FXYD2: variants seen among roughly 807,000 people sequenced by gnomAD.
FXYD2 encodes sodium/potassium-transporting ATPase subunit gamma.
FXYD2 carries 8 observed loss-of-function variants against 11.8 expected under a neutral mutation model. The ratio of observed to expected loss-of-function variants is 0.68; its 90% CI spans 0.40 to 1.22. The LOEUF (loss-of-function observed/expected upper bound fraction) is 1.22, where lower values mean the gene tolerates loss of function less well. Ranked by LOEUF, FXYD2 falls within the 50% of genes most tolerant of loss-of-function variation. The probability of loss-of-function intolerance (pLI) is 0.01; values close to 1 mark genes in which losing one functional copy is unlikely to be tolerated. For synonymous variants in FXYD2, 42 were observed against 33.3 expected (o/e 1.26, Z -0.90); for missense variants, 92 against 91.8 (o/e 1.00, Z -0.01).
At chr11:117,821,353 GC>G (rs1211026275) in intron 3 of FXYD2, 1 of 989,032 alleles carries the variant, frequency 1.0e-6, no homozygotes, top group African/African-American at 1.7e-5. Flanking sequence ...GAGCCACCAC[GC>G]CCAGCCTTCT....
upstream of FXYD2, among the ~76,000 whole-genome samples, chr11:117,827,491 C>T (rs1033289304): frequency 4.6e-5 from 7 of 152,178 alleles, no homozygotes; most frequent in South Asian, 2.1e-4. Context: ...TCAGATAATC[C>T]GCCCGCCTTG....
chr11:117,822,241 CGA>C lies in FXYD2; in HGVS notation c.139+163_139+164del. 6.6e-7 allele frequency: 1 copy of C among 1,509,402 alleles called. No individual in the cohort carries two copies. Among genetic ancestry groups the C allele is most frequent in the Non-Finnish European group, 8.9e-7 (1 of 1,129,234 alleles). The allele number at this position is 1,509,402 out of a possible 1,614,324, so 93.5% of individuals were successfully genotyped here. Reference sequence around the variant, plus strand: ...CAGGAACCTCACACTGTGCTCCCAGCGAGCCTGGCACCCCACCGGGCACCCAT... The same window carrying C: ...CAGGAACCTCACACTGTGCTCCCAGCGCCTGGCACCCCACCGGGCACCCAT... On this transcript the variant is annotated intron_variant, in intron 3 of 5. Coordinates refer to ENST00000292079, the MANE Select transcript of FXYD2 (RefSeq NM_001680.5). This position sits in a 1 kb window ranked among gnomAD's most constrained non-coding sequence, Gnocchi z 4.7.
chr11:117,826,076 A>T (rs1246907426), upstream of FXYD2, among the ~76,000 whole-genome samples: 3 of 152,198 alleles, frequency 2.0e-5, no homozygotes, highest in African/African-American at 7.2e-5. Flanking sequence ...GAGATAATGC[A>T]TGCAAAGAGC....
At chr11:117,821,412 G>A (rs2055900830) in intron 3 of FXYD2, 1 of 986,496 alleles carries the variant, frequency 1.0e-6, no homozygotes, top group South Asian at 4.7e-5. Context: ...ACCTAAGTCA[G>A]TCAGTCAGTC....
rs1269770320 is a variant in FXYD2 at position 117,824,447 on chromosome 11, A to G, written c.25+207T>C. ...CTATCTGCTGCCTTTCTGCCACTCA[A>G]GCTATCTTTCTTTGGGGTTAAAGCA... is the stretch of plus-strand genomic sequence containing the variant. On this transcript the variant is annotated intron_variant, in intron 1 of 5. Transcript: ENST00000292079. The surrounding 1 kb of genome is among the most constrained non-coding windows in gnomAD (Gnocchi z 4.0). The G allele has an allele frequency of 4.7e-6, 3 of 635,884 alleles. No individual in the cohort carries two copies. Among genetic ancestry groups the G allele is most frequent in the Non-Finnish European group, 8.6e-6 (3 of 350,842 alleles). The allele number at this position is 635,884 out of a possible 1,614,324, so 39.4% of individuals were successfully genotyped here.
intron 3 of FXYD2, chr11:117,821,669 G>C (rs2134099574): frequency 1.0e-6 from 1 of 961,528 alleles, no homozygotes. Flanking sequence ...AGACCTGCAG[G>C]ACTGTGGCCC....
upstream of FXYD2, chr11:117,824,875 G>A: frequency 2.9e-6 from 2 of 701,362 alleles, no homozygotes; most frequent in South Asian, 1.6e-5. This position sits in a 1 kb window ranked among gnomAD's most constrained non-coding sequence, Gnocchi z 4.0. Flanking sequence ...GTGAGGACGT[G>A]CGTGGGGAGG....
At chr11:117,823,374 A>G (rs635706) in intron 1 of FXYD2, among the ~76,000 whole-genome samples, 46,813 of 152,180 alleles carry the variant, frequency 0.31, 8,630 homozygotes, top group East Asian at 0.5. Flanking sequence ...TGTAATCCAC[A>G]AGAGGGTGGA....
In FXYD2 at chr11:117,820,860, T is replaced by G; in HGVS notation, c.175A>C (p.Arg59=). 2 of 1,605,936 alleles carry G rather than the reference T, an allele frequency of 1.2e-6. No individual in the cohort carries two copies. Among genetic ancestry groups the G allele is most frequent in the Non-Finnish European group, 1.7e-6 (2 of 1,178,270 alleles). Residue 59 remains arginine (R), a splice_region_variant and synonymous_variant, in exon 4 of 6, where the codon AGG becomes CGG. Transcript: ENST00000292079. ...RFRCGGNKKR[R]QINEDEP ...TCGGTCACCCCAGGCAGCGCTCACC[T>G]GCGCTTCTTATTGCCCCCACAGCGG...
At position 117,822,423 on chromosome 11, in the gene FXYD2, C is replaced by G. The variant is rs1183261157; in HGVS notation, c.122G>C (p.Gly41Ala). 6.4e-7 allele frequency: 1 copy of G among 1,560,192 alleles called. No individual in the cohort carries two copies. Among genetic ancestry groups the G allele is most frequent in the South Asian group, 1.2e-5 (1 of 84,594 alleles). Residue 41 changes from glycine to alanine, a missense_variant, in exon 3 of 6, where the codon GGG becomes GCG. Transcript: ENST00000292079. This position sits in a 1 kb window ranked among gnomAD's most constrained non-coding sequence, Gnocchi z 4.7. ...LIFAGLAFIV[G>A]LLILLSRRFR... is the part of the protein sequence containing the mutation. ...CCACTTACTGAGGAGGATGAGGAGC[C>G]CCACGATGAAGGCCAGTCCAGCGAA...
At chr11:117,821,345 G>A in intron 3 of FXYD2, 1 of 989,466 alleles carries the variant, frequency 1.0e-6, no homozygotes, top group Non-Finnish European at 1.2e-6. Context: ...ACAGGCATGA[G>A]CCACCACGCC....
rs2055919624 is a variant in FXYD2, at chr11:117,822,125, T to C, written c.139+281A>G. The C allele has an allele frequency of 5.8e-6, 8 of 1,375,002 alleles. No individual in the cohort carries two copies. The highest frequency in any genetic ancestry group is 1.5e-5 in the African/African-American group (1 of 68,518). 85.2% of individuals were successfully genotyped at this position (1,375,002 alleles called of 1,614,324 possible). A position where few individuals can be genotyped will look rare whatever the true frequency, so the allele number is the denominator to read the frequency against. On this transcript the variant is annotated intron_variant, in intron 3 of 5. Transcript: ENST00000292079. This position sits in a 1 kb window ranked among gnomAD's most constrained non-coding sequence, Gnocchi z 4.7. ...TTAGCAGCGGGGGGCCTAGTCCCCC[T>C]GTCTGGCCCTCCGGTTACCCAGTTA...
intron 3 of FXYD2, 22 bp from the exon 4 acceptor site, chr11:117,820,917 T>A (rs749331252): frequency 1.2e-6 from 2 of 1,614,008 alleles, no homozygotes; most frequent in South Asian, 2.2e-5. Context: ...AAAAGGAGAT[T>A]TGTTTCCATG....
At chr11:117,821,305 C>T in intron 3 of FXYD2, 4 of 958,720 alleles carry the variant, frequency 4.2e-6, no homozygotes, top group Non-Finnish European at 5.0e-6. Flanking sequence ...AAGAGATCCT[C>T]CTGCCTTGGC....
upstream of FXYD2, among the ~76,000 whole-genome samples, chr11:117,826,210 C>G (rs1292094407): frequency 6.6e-6 from 1 of 152,202 alleles, no homozygotes; most frequent in African/African-American, 2.4e-5. Context: ...AAGCCAGCCA[C>G]CCTCCAATGA....
intron 1 of FXYD2, among the ~76,000 whole-genome samples, chr11:117,823,341 A>G (rs1018540287): frequency 6.6e-6 from 1 of 152,226 alleles, no homozygotes; most frequent in South Asian, 2.1e-4. Context: ...TGGCAACCTT[A>G]TGAGGCGTCA....
At position 117,824,304 on chromosome 11, in the gene FXYD2, C is replaced by T. The variant is rs1310113690; in HGVS notation, c.25+350G>A. The T allele has an allele frequency of 2.3e-6, 1 of 434,978 alleles. No individual in the cohort carries two copies. Among genetic ancestry groups the T allele is most frequent in the Non-Finnish European group, 4.2e-6 (1 of 235,404 alleles). The allele number at this position is 434,978 out of a possible 1,614,324, so 26.9% of individuals were successfully genotyped here. A position where few individuals can be genotyped will look rare whatever the true frequency, so the allele number is the denominator to read the frequency against. ...GCTGACCAGAGGGGCCTGCTCCTTC[C>T]CCAGCCAGATGGACGCCGTCTGCCT... On this transcript the variant is annotated intron_variant, in intron 1 of 5. Transcript: ENST00000292079. This position sits in a 1 kb window ranked among gnomAD's most constrained non-coding sequence, Gnocchi z 4.0.
intron 3 of FXYD2, chr11:117,821,754 G>A (rs564231903): frequency 6.1e-5 from 60 of 988,416 alleles, no homozygotes; most frequent in Non-Finnish European, 4.6e-5. Flanking sequence ...GGGGAGACCC[G>A]CAGGACTGTG....
rs561338739 is a variant in FXYD2 at position 117,824,705 on chromosome 11, C to T, written c.-27G>A. 4.3e-5 allele frequency: 70 copies of T among 1,613,700 alleles called. No individual in the cohort carries two copies. The highest frequency in any genetic ancestry group is 2.3e-4 in the Admixed American group (14 of 60,002). ...TCCCCAGGTGAATGGGCTGCCTCCA[C>T]TCCCCTCTTCCTGCTGTCTCTGCTT... On this transcript the variant is annotated 5_prime_UTR_variant, in exon 1 of 6. It adds an upstream start codon to the 5' untranslated region. Transcript: ENST00000292079. This position sits in a 1 kb window ranked among gnomAD's most constrained non-coding sequence, Gnocchi z 4.0.
Sources: gnomAD v4.1 joint callset for allele counts (sites outside exome capture counted in the v4.1 genomes callset) on GRCh38, gnomAD v4.1.1 for gene constraint, Gnocchi (gnomAD v3.1) non-coding constraint, MANE v1.5 for transcripts, NCBI Gene and HGNC (gene_info 2026-07-23, HGNC 2026-07-21) for gene names.